Variants in TXLNG observed in about 807,000 individuals in gnomAD.
TXLNG encodes gamma-taxilin.
TXLNG carries 5 observed loss-of-function variants against 38.8 expected under a neutral mutation model. The observed-to-expected ratio is 0.13, with a 90% confidence interval of 0.07 to 0.27. TXLNG has a LOEUF of 0.27. TXLNG is among the 10% of genes least tolerant of loss of function. The pLI is 1.00. For synonymous variants in TXLNG, 182 were observed against 158.2 expected (o/e 1.15, Z -1.13); for missense variants, 393 against 398.2 (o/e 0.99, Z 0.11).
At chrX:16,820,067 A>G (rs950473577) in intron 2 of TXLNG, 97 bp from the exon 3 acceptor site, 9 of 619,207 alleles carry the variant, frequency 1.5e-5, no homozygotes, top group Admixed American at 1.3e-4. Context: ...AAATTAGTTT[A>G]CTCTGGATGT....
intron 7 of TXLNG, among the ~76,000 whole-genome samples, chrX:16,836,410 G>A (rs886175464): frequency 2.7e-5 from 3 of 112,526 alleles, no homozygotes; most frequent in Non-Finnish European, 3.8e-5. Flanking sequence ...GTGTTCTCCA[G>A]GTCACCCTGC....
intron 8 of TXLNG, 26 bp from the exon 9 acceptor site, chrX:16,839,789 CTTAGAA>C: frequency 9.3e-7 from 1 of 1,070,323 alleles, no homozygotes; most frequent in East Asian, 3.1e-5. Context: ...AGGAAGGGAA[CTTAGAA>C]TTTAAATGTG....
chrX:16,840,047 C>G (rs1006007283), intron 9 of TXLNG, 131 bp downstream of exon 9: 5 of 460,379 alleles, frequency 1.1e-5, no homozygotes, highest in Admixed American at 4.2e-5. Context: ...CGCGTTGGGG[C>G]GGGGGTGGGG....
At chrX:16,801,599 A>T (rs1396092821) in intron 1 of TXLNG, among the ~76,000 whole-genome samples, 2 of 110,467 alleles carry the variant, frequency 1.8e-5, no homozygotes, top group African/African-American at 6.7e-5. Context: ...TTCCCCCTTT[A>T]CTCAGTGGTC....
chrX:16,819,663 A>G (rs927403834), intron 2 of TXLNG, among the ~76,000 whole-genome samples: 1 of 112,013 alleles, frequency 8.9e-6, no homozygotes, highest in Non-Finnish European at 1.9e-5. Flanking sequence ...AACACACAGA[A>G]TATACTTAGT....
intron 9 of TXLNG, among the ~76,000 whole-genome samples, chrX:16,840,287 C>A (rs944132726): frequency 8.9e-6 from 1 of 112,606 alleles, no homozygotes; most frequent in African/African-American, 3.2e-5. Flanking sequence ...CTCCCAGAGG[C>A]TGAGTCACTA....
At chrX:16,834,042 T>C (rs1207227983) in intron 6 of TXLNG, among the ~76,000 whole-genome samples, 2 of 112,310 alleles carry the variant, frequency 1.8e-5, no homozygotes, top group African/African-American at 6.5e-5. Context: ...AGAAACCATA[T>C]TAGGCCCCCA....
intron 1 of TXLNG, among the ~76,000 whole-genome samples, chrX:16,802,909 C>T (rs769818922): frequency 9.5e-6 from 1 of 105,293 alleles, no homozygotes; most frequent in East Asian, 3.0e-4. Flanking sequence ...CAGCCTCCGT[C>T]TCCCAGGTTC....
At position 16,791,783 on chromosome X, in the gene TXLNG, A is replaced by C. The variant is rs556609032; in HGVS notation, c.102+5194A>C. On this transcript the variant is annotated intron_variant, in intron 1 of 9. Transcript: ENST00000380122. ...GTATTTTTAGTAGAGATGGGGTTTCACCATGTTGGCCAGGCTGGTCTTGAA... is the reference window on the plus strand; with the variant it reads ...GTATTTTTAGTAGAGATGGGGTTTCCCCATGTTGGCCAGGCTGGTCTTGAA... Among the ~76,000 whole-genome samples, 165 of 111,219 alleles carry C rather than the reference A, an allele frequency of 1.5e-3. No individual in the cohort carries two copies. In the Middle Eastern group the frequency reaches 0.019, roughly 12 times the overall value.
chrX:16,801,482 G>A (rs1426004825), intron 1 of TXLNG, among the ~76,000 whole-genome samples: 5 of 111,866 alleles, frequency 4.5e-5, no homozygotes, highest in South Asian at 3.7e-4. Flanking sequence ...CACCGAGCTC[G>A]GCCTCAGGCA....
At chrX:16,791,852 C>T (rs1194595591) in intron 1 of TXLNG, among the ~76,000 whole-genome samples, 1 of 112,389 alleles carries the variant, frequency 8.9e-6, no homozygotes, top group East Asian at 2.8e-4. Context: ...TCCCAAAGTG[C>T]TGGAATTACA....
chrX:16,825,852 A>T (rs1361543432), intron 3 of TXLNG, among the ~76,000 whole-genome samples: 1 of 112,290 alleles, frequency 8.9e-6, no homozygotes, highest in Non-Finnish European at 1.9e-5. Flanking sequence ...CCTTTACAGA[A>T]AAAATCTGCT....
At chrX:16,830,711 G>T (rs1929360658) in intron 5 of TXLNG, among the ~76,000 whole-genome samples, 1 of 104,395 alleles carries the variant, frequency 9.6e-6, no homozygotes, top group African/African-American at 3.5e-5. Flanking sequence ...TTTTTTTAAA[G>T]ATTTTATTTT....
chrX:16,829,189 C>T (rs185563338), intron 4 of TXLNG, among the ~76,000 whole-genome samples: 1 of 111,620 alleles, frequency 9.0e-6, no homozygotes, highest in African/African-American at 3.3e-5. Flanking sequence ...AGAAAGGAAG[C>T]TTTTTGAGAT....
chrX:16,805,336 C>G (rs185175721), intron 1 of TXLNG, among the ~76,000 whole-genome samples: 1 of 110,712 alleles, frequency 9.0e-6, no homozygotes, highest in Non-Finnish European at 1.9e-5. Context: ...TTTGAAAGGC[C>G]TTCTTGGCTA....
chrX:16,799,123 C>T (rs752462044), intron 1 of TXLNG, among the ~76,000 whole-genome samples: 4 of 110,444 alleles, frequency 3.6e-5, no homozygotes, highest in Non-Finnish European at 5.7e-5. Flanking sequence ...AGGTGATCCG[C>T]GCACCTCGGC....
At chrX:16,833,319 A>C (rs1196151647) in intron 6 of TXLNG, among the ~76,000 whole-genome samples, 1 of 112,318 alleles carries the variant, frequency 8.9e-6, no homozygotes, top group Non-Finnish European at 1.9e-5. Context: ...CCTGTCAGTA[A>C]TTGTGAATAC....
At chrX:16,830,609 A>C (rs1929357577) in intron 5 of TXLNG, among the ~76,000 whole-genome samples, 1 of 106,820 alleles carries the variant, frequency 9.4e-6, no homozygotes, top group South Asian at 4.1e-4. Flanking sequence ...CAAATTAAAA[A>C]AAAAAAAAGA....
chrX:16,823,198 C>T (rs934594051), intron 3 of TXLNG, among the ~76,000 whole-genome samples: 5 of 110,721 alleles, frequency 4.5e-5, no homozygotes, highest in African/African-American at 1.3e-4. Flanking sequence ...ATAGGCCGGG[C>T]GTATAATCCC....
Sources: allele counts gnomAD v4.1 joint callset (sites outside exome capture counted in the v4.1 genomes callset), GRCh38; gene constraint gnomAD v4.1.1; transcripts MANE v1.5; gene names NCBI Gene and HGNC (gene_info 2026-07-23, HGNC 2026-07-21).